The following ITPRID2 variants were observed in gnomAD, a reference collection of about 807,000 sequenced individuals.
ITPRID2 encodes protein ITPRID2.
A neutral mutation model predicts 124.3 loss-of-function variants in ITPRID2; 60 were observed. The ratio of observed to expected loss-of-function variants is 0.48; its 90% CI spans 0.39 to 0.60. ITPRID2 has a LOEUF of 0.60. Ranked by LOEUF, ITPRID2 falls within the 20% of genes least tolerant of loss-of-function variation. The pLI, the probability that ITPRID2 is intolerant of heterozygous loss-of-function variation, is 0.00. For missense variants in ITPRID2, 1,553 were observed against 1,512.2 expected (o/e 1.03, Z -0.45); for synonymous variants, 521 against 542.9 (o/e 0.96, Z 0.56).
intron 9 of ITPRID2, among the ~76,000 whole-genome samples, chr2:181,911,903 G>A (rs1693637819): frequency 6.6e-6 from 1 of 152,114 alleles, no homozygotes. Context: ...TTTACCCATT[G>A]CCCCAAACCT....
chr2:181,918,894 T>C lies in ITPRID2; in HGVS notation c.2993+12T>C. The C allele has an allele frequency of 6.2e-7, 1 of 1,612,778 alleles. No individual in the cohort carries two copies. Among genetic ancestry groups the C allele is most frequent in the Non-Finnish European group, 8.5e-7 (1 of 1,179,766 alleles). ...ACTGAGGAGGAGAGGTAAAAGTTCA[T>C]TTTGTCTTAGCACACCTCAAAAAGC... is the stretch of plus-strand genomic sequence containing the variant. On this transcript the variant is annotated intron_variant, in intron 13 of 17. Transcript: ENST00000431877.
intron 4 of ITPRID2, among the ~76,000 whole-genome samples, chr2:181,898,576 T>TA (rs1343120362): frequency 6.6e-6 from 1 of 152,112 alleles, no homozygotes; most frequent in Non-Finnish European, 1.5e-5. Context: ...CCTCATTACT[T>TA]ATTTCTAACC....
intron 7 of ITPRID2, among the ~76,000 whole-genome samples, chr2:181,901,115 C>T (rs891708031): frequency 3.3e-5 from 5 of 152,116 alleles, no homozygotes; most frequent in African/African-American, 9.7e-5. Flanking sequence ...CTCCCCAATT[C>T]CTGACTTAAG....
At position 181,919,208 on chromosome 2, in the gene ITPRID2, G is replaced by A. The variant is rs551550586; in HGVS notation, c.2994-88G>A. 101 of 1,457,882 alleles carry A rather than the reference G, an allele frequency of 6.9e-5. No homozygotes were observed. The South Asian group carries it at 1.2e-3, about 17-fold the overall frequency. 90.3% of individuals were successfully genotyped at this position (1,457,882 alleles called of 1,614,324 possible). On this transcript the variant is annotated intron_variant, in intron 13 of 17. Coordinates refer to ENST00000431877, the MANE Select transcript of ITPRID2 (RefSeq NM_001130445.3). The surrounding 1 kb of genome is among the most constrained non-coding windows in gnomAD (Gnocchi z 4.2). ...AGAACCTGAGATTTCCATGCCTTCT[G>A]TTAGCATATAGTAGTTGTTGAAAGA... is the stretch of plus-strand genomic sequence containing the variant.
rs1693548401 is a variant in ITPRID2, at chr2:181,910,822, C to T, written c.1486+851C>T. Among the ~76,000 whole-genome samples the T allele has an allele frequency of 6.6e-6, 1 of 151,964 alleles. No individual in the cohort carries two copies. Among genetic ancestry groups the T allele is most frequent in the Admixed American group, 6.6e-5 (1 of 15,260 alleles). ...GCAATATGGTATTAAGAAACAAGAG[C>T]TTCACTCTCACTCGGTCACTGCAGC... is the stretch of plus-strand genomic sequence containing the variant. On this transcript the variant is annotated intron_variant, in intron 9 of 17. Coordinates refer to ENST00000431877, the MANE Select transcript of ITPRID2 (RefSeq NM_001130445.3). This position sits in a 1 kb window ranked among gnomAD's most constrained non-coding sequence, Gnocchi z 4.1.
In ITPRID2 at chr2:181,915,262, A is replaced by G. The variant is rs751595314; in HGVS notation, c.1622A>G (p.Asp541Gly). ...ATGGGGAGTAGTGCTGATAGTTGTG[A>G]CAGTGAGACAACAGTTACGTCACTT... ...QAMGSSADSC[D>G]SETTVTSLGE... is the part of the protein sequence containing the mutation. The change falls in exon 11 of 18, where the codon GAC (aspartate) becomes GGC (glycine). Residue 541 changes from aspartate (D) to glycine (G), a missense_variant. Transcript: ENST00000431877. The G allele has an allele frequency of 3.1e-6, 5 of 1,614,072 alleles. No individual in the cohort carries two copies. In the Admixed American group the frequency reaches 8.3e-5, roughly 27 times the overall value.
chr2:181,891,912 C>T lies in ITPRID2; in HGVS notation c.-155C>T. ...CCTCCCCTTCCTTCCCTCCCTCCCT[C>T]CCTGTCCCCTCCTCCTCCTCCTCCT... On this transcript the variant is annotated 5_prime_UTR_variant, in exon 1 of 18. Transcript: ENST00000431877. 2.1e-6 allele frequency: 1 copy of T among 483,082 alleles called. No individual in the cohort carries two copies. Among genetic ancestry groups the T allele is most frequent in the Non-Finnish European group, 3.7e-6 (1 of 269,412 alleles). 29.9% of individuals were successfully genotyped at this position (483,082 alleles called of 1,614,324 possible).
chr2:181,919,402 C>A lies in ITPRID2; in HGVS notation c.3100C>A (p.Arg1034Ser), dbSNP rs140317034. 5.6e-6 allele frequency: 9 copies of A among 1,613,340 alleles called. No individual in the cohort carries two copies. Among genetic ancestry groups the A allele is most frequent in the Non-Finnish European group, 7.6e-6 (9 of 1,179,760 alleles). ...ERLLGLEEQL[R>S]AVRMPSPFRS... ...CCTGCTGGGCCTGGAGGAGCAGCTT[C>A]GTGCTGTGCGCATGCCTTCACCCTT... Residue 1034 changes from arginine to serine, a missense_variant, in exon 14 of 18, where the codon CGT becomes AGT. By Grantham distance (110) the Arg-to-Ser change is moderately radical. Transcript: ENST00000431877. The surrounding 1 kb of genome is among the most constrained non-coding windows in gnomAD (Gnocchi z 4.2).
chr2:181,897,975 A>G (rs578157993), intron 4 of ITPRID2, among the ~76,000 whole-genome samples: 25 of 152,148 alleles, frequency 1.6e-4, no homozygotes, highest in South Asian at 6.2e-4. Context: ...CCGTTATTAA[A>G]ATGCACTTTG....
In ITPRID2 at chr2:181,909,939, C is replaced by G. The variant is rs1360237568; in HGVS notation, c.1454C>G (p.Thr485Ser). ...GGAGAAGCTCCTCATGTTCCAGCCA[C>G]TTACCAGCTAGGTCTTACGAAGTCG... ...TEGEAPHVPA[T>S]YQLGLTKSKR... The change falls in exon 9 of 18, where the codon ACT becomes AGT. Residue 485 changes from threonine to serine, a missense_variant. Coordinates refer to ENST00000431877, the MANE Select transcript of ITPRID2 (RefSeq NM_001130445.3). The G allele has an allele frequency of 6.2e-7, 1 of 1,613,326 alleles. No homozygotes were observed. The highest frequency in any genetic ancestry group is 2.2e-5 in the East Asian group (1 of 44,832).
At chr2:181,926,570 G>A (rs890628615) in intron 16 of ITPRID2, among the ~76,000 whole-genome samples, 3 of 151,876 alleles carry the variant, frequency 2.0e-5, no homozygotes, top group Non-Finnish European at 2.9e-5. Context: ...AAAATTAGCC[G>A]GGCGTGGTGG....
intron 15 of ITPRID2, 74 bp downstream of exon 15, chr2:181,920,736 A>G: frequency 1.9e-6 from 2 of 1,075,424 alleles, no homozygotes; most frequent in Non-Finnish European, 2.8e-6. Flanking sequence ...TCCCTAGTTT[A>G]GATGAAATAT....
chr2:181,918,815 A>G lies in ITPRID2; in HGVS notation c.2926A>G (p.Met976Val). 6.2e-7 allele frequency: 1 copy of G among 1,614,202 alleles called. No individual in the cohort carries two copies. The highest frequency in any genetic ancestry group is 8.5e-7 in the Non-Finnish European group (1 of 1,180,012). Residue 976 changes from methionine to valine, a missense_variant, in exon 13 of 18, where the codon ATG becomes GTG. Transcript: ENST00000431877. ...CCTGAATTTGTTTAGAACACAAATG[A>G]TGGATTTAGAATTGGCAATGCTGCG... ...RSLNLFRTQMMDLELAMLRQQ... is the reference protein window; with the variant it reads ...RSLNLFRTQMVDLELAMLRQQ...
In ITPRID2 at chr2:181,909,924, C is replaced by T; in HGVS notation, c.1439C>T (p.Pro480Leu). The T allele has an allele frequency of 1.9e-6, 3 of 1,613,326 alleles. No individual in the cohort carries two copies. The highest frequency in any genetic ancestry group is 2.2e-5 in the South Asian group (2 of 91,048). Residue 480 changes from proline to leucine, a missense_variant, in exon 9 of 18, where the codon CCT (proline) becomes CTT (leucine). Physicochemically the swap from Pro to Leu is moderately conservative, Grantham distance 98 (BLOSUM62 -3). Transcript: ENST00000431877. ...EEVQSTEGEA[P>L]HVPATYQLGL... ...GTTCAAAGTACGGAGGGAGAAGCTCCTCATGTTCCAGCCACTTACCAGCTA... is the reference window on the plus strand; with the variant it reads ...GTTCAAAGTACGGAGGGAGAAGCTCTTCATGTTCCAGCCACTTACCAGCTA...
Position 181,930,167 on chromosome 2 carries a change from G to A in ITPRID2, c.*620G>A, listed in dbSNP as rs1333071155. ...CCTTGTTGCTTTACCCAAGACAAAT[G>A]TAATTTTATCATTGCTTATGTAGTA... is the stretch of plus-strand genomic sequence containing the variant. On this transcript the variant is annotated 3_prime_UTR_variant, in exon 18 of 18. Coordinates refer to ENST00000431877, the MANE Select transcript of ITPRID2 (RefSeq NM_001130445.3). The A allele has an allele frequency of 6.6e-6, 1 of 152,636 alleles. No homozygotes were observed. The highest frequency in any genetic ancestry group is 2.4e-5 in the African/African-American group (1 of 41,466). The allele number at this position is 152,636 out of a possible 1,614,324, so 9.5% of individuals were successfully genotyped here.
rs1176079298 is a variant in ITPRID2 at position 181,892,209 on chromosome 2, C to G, written c.143C>G (p.Thr48Arg). The G allele has an allele frequency of 7.1e-6, 11 of 1,552,026 alleles. No individual in the cohort carries two copies. In the African/African-American group the frequency reaches 1.1e-4, roughly 15 times the overall value. Residue 48 changes from threonine to arginine, a missense_variant, in exon 1 of 18, where the codon ACG (threonine) becomes AGG (arginine). Coordinates refer to ENST00000431877, the MANE Select transcript of ITPRID2 (RefSeq NM_001130445.3). This position sits in a 1 kb window ranked among gnomAD's most constrained non-coding sequence, Gnocchi z 5.2. ...ETEDLSTEAT[T>R]QDEEEDEEED... The stretch of plus-strand genomic sequence containing the variant: ...GAGGATCTGTCCACAGAAGCGACGA[C>G]GCAGGACGAGGAGGAGGACGAGGAG...
At position 181,892,326 on chromosome 2, in the gene ITPRID2, A is replaced by G. The variant is rs1691788417; in HGVS notation, c.211+49A>G. On this transcript the variant is annotated intron_variant, in intron 1 of 17. Transcript: ENST00000431877. This position sits in a 1 kb window ranked among gnomAD's most constrained non-coding sequence, Gnocchi z 5.2. ...GGGGGGAGGCTGGTGGGCTGGGGAGAGTCTCGTGCGCCCTGGGCGCCTGCC... is the reference window on the plus strand; with the variant it reads ...GGGGGGAGGCTGGTGGGCTGGGGAGGGTCTCGTGCGCCCTGGGCGCCTGCC... 19 of 1,496,586 alleles carry G rather than the reference A, an allele frequency of 1.3e-5. No individual in the cohort carries two copies. The highest frequency in any genetic ancestry group is 7.4e-5 in the East Asian group (3 of 40,502). The allele number at this position is 1,496,586 out of a possible 1,614,324, so 92.7% of individuals were successfully genotyped here. A position where few individuals can be genotyped will look rare whatever the true frequency, so the allele number is the denominator to read the frequency against.
At chr2:181,897,153 ACT>A (rs1423341586) in intron 4 of ITPRID2, among the ~76,000 whole-genome samples, 189 bp downstream of exon 4, 4 of 151,912 alleles carry the variant, frequency 2.6e-5, no homozygotes, top group Non-Finnish European at 5.9e-5. Context: ...TGTAGGGATG[ACT>A]CTGAAAAACT....
chr2:181,899,040 G>A lies in ITPRID2; in HGVS notation c.431G>A (p.Arg144Lys). ...NCNNILAKER[R>K]LQFHQKGRSM... ...AATAATATCTTGGCCAAAGAGAGAAGATTACAGTTTCATCAGAAAGGGAGA... is the reference window on the plus strand; with the variant it reads ...AATAATATCTTGGCCAAAGAGAGAAAATTACAGTTTCATCAGAAAGGGAGA... The change falls in exon 6 of 18, where the codon AGA becomes AAA. Residue 144 changes from arginine (R) to lysine (K), a missense_variant. Physicochemically the swap from Arg to Lys is conservative, Grantham distance 26. Transcript: ENST00000431877. The A allele has an allele frequency of 6.2e-7, 1 of 1,611,672 alleles. No individual in the cohort carries two copies. The highest frequency in any genetic ancestry group is 8.5e-7 in the Non-Finnish European group (1 of 1,179,258).
Sources: gnomAD v4.1 joint callset for allele counts (sites outside exome capture counted in the v4.1 genomes callset) on GRCh38, gnomAD v4.1.1 for gene constraint, Gnocchi (gnomAD v3.1) non-coding constraint, MANE v1.5 for transcripts, NCBI Gene and HGNC (gene_info 2026-07-23, HGNC 2026-07-21) for gene names.